The following GPAT3 variants were observed in gnomAD, a reference collection of about 807,000 sequenced individuals.
The protein encoded by GPAT3 is 1-AGP acyltransferase 9.
GPAT3 carries 53 observed loss-of-function variants against 58.8 expected under a neutral mutation model. The ratio of observed to expected loss-of-function variants is 0.90; its 90% CI spans 0.72 to 1.13. The LOEUF is 1.13. Ranked by LOEUF, GPAT3 falls within the 50% of genes most tolerant of loss-of-function variation. The pLI, the probability that GPAT3 is intolerant of heterozygous loss-of-function variation, is 0.00. For synonymous variants in GPAT3, 197 were observed against 187.4 expected (o/e 1.05, Z -0.42); for missense variants, 511 against 527.6 (o/e 0.97, Z 0.31).
At chr4:83,573,083 C>A (rs962993417) in intron 2 of GPAT3, among the ~76,000 whole-genome samples, 1 of 152,134 alleles carries the variant, frequency 6.6e-6, no homozygotes, top group African/African-American at 2.4e-5. Flanking sequence ...TTCCTGGGAT[C>A]TGTCCTTGGT....
chr4:83,563,219 T>G (rs533341217), intron 2 of GPAT3, among the ~76,000 whole-genome samples: 1 of 152,346 alleles, frequency 6.6e-6, no homozygotes, highest in African/African-American at 2.4e-5. Flanking sequence ...TGCAAGTTAT[T>G]GTGTAAACAC....
At chr4:83,574,006 T>G (rs1488922528) in intron 2 of GPAT3, among the ~76,000 whole-genome samples, 3 of 152,158 alleles carry the variant, frequency 2.0e-5, no homozygotes, top group Non-Finnish European at 4.4e-5. Flanking sequence ...ATAGAAACAG[T>G]GTTAAGAGAG....
chr4:83,548,875 T>C (rs1222464111), intron 2 of GPAT3, among the ~76,000 whole-genome samples: 1 of 152,220 alleles, frequency 6.6e-6, no homozygotes, highest in Non-Finnish European at 1.5e-5. Flanking sequence ...TTTCGGTTGC[T>C]ATACCTATTT....
At chr4:83,546,663 T>C (rs1322057707) in intron 2 of GPAT3, among the ~76,000 whole-genome samples, 1 of 152,132 alleles carries the variant, frequency 6.6e-6, no homozygotes, top group Non-Finnish European at 1.5e-5. Flanking sequence ...CTCACAGTTA[T>C]TGAACAACTG....
rs765087957 is a variant in GPAT3 at position 83,597,499 on chromosome 4, A to T, written c.980A>T (p.His327Leu). The change falls in exon 9 of 12, where the codon CAT becomes CTT. Residue 327 changes from histidine (H) to leucine (L), a missense_variant. Physicochemically the swap from His to Leu is moderately conservative, Grantham distance 99 (BLOSUM62 -3). Transcript: ENST00000264409. ...AGCTTTGAAATTGGAGGAACCATAC[A>T]TCCAGTTGCAATTAAGGTAAAACAG... ...KGSFEIGGTI[H>L]PVAIKYNPQF... is the part of the protein sequence containing the mutation. 1.3e-6 allele frequency: 2 copies of T among 1,565,660 alleles called. No individual in the cohort carries two copies. The highest frequency in any genetic ancestry group is 1.7e-5 in the Admixed American group (1 of 57,252).
intron 1 of GPAT3, among the ~76,000 whole-genome samples, chr4:83,537,589 ATATGTG>A (rs934838143): frequency 5.6e-5 from 7 of 125,390 alleles, no homozygotes; most frequent in African/African-American, 2.1e-4. Context: ...TATATGTATA[ATATGTG>A]TGTGTGTGTG....
At chr4:83,535,726 G>C, upstream of GPAT3, 1 of 985,432 alleles carries the variant, frequency 1.0e-6, no homozygotes, top group African/African-American at 1.7e-5. Flanking sequence ...CCCCACAGCT[G>C]TAGGCCATGT....
intron 2 of GPAT3, among the ~76,000 whole-genome samples, chr4:83,550,770 AT>A (rs998320744): frequency 2.6e-5 from 4 of 152,094 alleles, no homozygotes; most frequent in Non-Finnish European, 5.9e-5. Flanking sequence ...TTATTTTTTA[AT>A]TTTTTGCAGT....
chr4:83,547,152 G>A (rs1053749233), intron 2 of GPAT3, among the ~76,000 whole-genome samples: 2 of 151,678 alleles, frequency 1.3e-5, no homozygotes, highest in Non-Finnish European at 2.9e-5. Context: ...ATTTTGAGGT[G>A]TGTCTGAATG....
chr4:83,552,623 G>C lies in GPAT3; in HGVS notation c.208+8021G>C, dbSNP rs549840513. ...GTTCCTTAAGGAAAGGTAGAAAGCA[G>C]ACAAAGAAATCTTCCTTCAAACTTT... On this transcript the variant is annotated intron_variant, in intron 2 of 11. Coordinates refer to ENST00000264409, the MANE Select transcript of GPAT3 (RefSeq NM_032717.5). 7.2e-5 allele frequency among the ~76,000 whole-genome samples: 11 copies of C among 152,298 alleles called. No individual in the cohort carries two copies. In the South Asian group the frequency reaches 2.1e-3, roughly 29 times the overall value.
chr4:83,572,572 C>A (rs1473690647), intron 2 of GPAT3, among the ~76,000 whole-genome samples: 4 of 151,806 alleles, frequency 2.6e-5, no homozygotes, highest in Non-Finnish European at 4.4e-5. Context: ...TAGAGAACAC[C>A]AATAAGTAAT....
intron 2 of GPAT3, among the ~76,000 whole-genome samples, chr4:83,579,052 T>TTCTTTCTTTC (rs1725976925): frequency 2.6e-5 from 1 of 38,648 alleles, no homozygotes; most frequent in Non-Finnish European, 5.2e-5. Flanking sequence ...CTTTCTTTCT[T>TTCTTTCTTTC]TCTTTCTTTC....
chr4:83,552,769 A>G (rs1560605992), intron 2 of GPAT3, among the ~76,000 whole-genome samples: 1 of 152,136 alleles, frequency 6.6e-6, no homozygotes, highest in Non-Finnish European at 1.5e-5. Context: ...CCCTTCCCAA[A>G]TTGATATGTT....
intron 3 of GPAT3, 89 bp from the exon 4 acceptor site, chr4:83,587,166 C>A: frequency 9.7e-7 from 1 of 1,031,498 alleles, no homozygotes; most frequent in South Asian, 1.4e-5. Context: ...TACTCTACAA[C>A]TTATTTACAA....
chr4:83,565,714 C>T (rs1411499274), intron 2 of GPAT3, among the ~76,000 whole-genome samples: 2 of 152,096 alleles, frequency 1.3e-5, no homozygotes, highest in East Asian at 1.9e-4. Context: ...ACCCCGAGTC[C>T]GGCGGAGACA....
chr4:83,550,758 ATTTATTT>A (rs1395509498), intron 2 of GPAT3, among the ~76,000 whole-genome samples: 1 of 152,162 alleles, frequency 6.6e-6, no homozygotes, highest in Non-Finnish European at 1.5e-5. Context: ...TCACAAAAAC[ATTTATTT>A]TTTAATTTTT....
At chr4:83,595,017 G>C in intron 7 of GPAT3, 57 bp downstream of exon 7, 2 of 1,497,700 alleles carry the variant, frequency 1.3e-6, no homozygotes, top group South Asian at 2.3e-5. Context: ...GACCAATCTT[G>C]GCCTTGCTAC....
At chr4:83,579,038 CTTT>C (rs1560620987) in intron 2 of GPAT3, among the ~76,000 whole-genome samples, 465 of 23,378 alleles carry the variant, frequency 0.02, 43 homozygotes, top group Middle Eastern at 0.062. Flanking sequence ...TTCTTTCTTT[CTTT>C]CTTTCTTTCT....
chr4:83,593,166 C>CTTTTTTTTTTTTTTT lies in GPAT3; in HGVS notation c.739-1676_739-1662dup, dbSNP rs761351611. ...ACAGGTGTGAGCCACCGAGCCAGGA[C>CTTTTTTTTTTTTTTT]TTTTTTTTTTTTTTTTTAAACATAG... On this transcript the variant is annotated intron_variant, in intron 6 of 11. Transcript: ENST00000264409. Among the ~76,000 whole-genome samples the CTTTTTTTTTTTTTTT allele has an allele frequency of 8.0e-5, 9 of 112,370 alleles. 1 individual carries two copies. The highest frequency in any genetic ancestry group is 1.2e-4 in the African/African-American group (4 of 32,344). The allele number at this position is 112,370 out of a possible 152,430, so 73.7% of individuals were successfully genotyped here.
Sources: allele counts gnomAD v4.1 joint callset (sites outside exome capture counted in the v4.1 genomes callset), GRCh38; gene constraint gnomAD v4.1.1; transcripts MANE v1.5; gene names NCBI Gene and HGNC (gene_info 2026-07-23, HGNC 2026-07-21).